DENND4C: variants seen among roughly 807,000 people sequenced by gnomAD.
DENND4C encodes DENN domain-containing protein 4C.
A neutral mutation model predicts 203.0 loss-of-function variants in DENND4C; 108 were observed. That is an observed-to-expected ratio of 0.53 (90% CI 0.46 to 0.62). The LOEUF (loss-of-function observed/expected upper bound fraction) is 0.62, where lower values mean the gene tolerates loss of function less well. Ranked by LOEUF, DENND4C falls within the 20% of genes least tolerant of loss-of-function variation. DENND4C has a pLI of 0.00. For missense variants in DENND4C, 2,481 were observed against 2,301.2 expected (o/e 1.08, Z -1.60); for synonymous variants, 871 against 792.4 (o/e 1.10, Z -1.67).
intron 10 of DENND4C, among the ~76,000 whole-genome samples, chr9:19,310,267 T>C (rs933831407): frequency 1.3e-5 from 2 of 152,226 alleles, no homozygotes; most frequent in African/African-American, 4.8e-5. Flanking sequence ...CTAGGATCGC[T>C]AGTGTAATGT....
intron 22 of DENND4C, among the ~76,000 whole-genome samples, chr9:19,344,475 G>C (rs1219844086): frequency 6.6e-6 from 1 of 152,064 alleles, no homozygotes; most frequent in Non-Finnish European, 1.5e-5. Context: ...TCCACCCTAG[G>C]TGACAGAGCA....
At chr9:19,360,575 C>T in intron 29 of DENND4C, 86 bp downstream of exon 29, 1 of 1,504,640 alleles carries the variant, frequency 6.6e-7, no homozygotes, top group Non-Finnish European at 9.1e-7. Flanking sequence ...ACAGTAGCAG[C>T]TTAACAAGAC....
In DENND4C at chr9:19,358,012, C is replaced by G; in HGVS notation, c.5012C>G (p.Ser1671Ter). The part of the protein sequence containing the change: ...ASGDVQTMKI[S>*]SVPNSLSKRN... ...GGAGATGTCCAAACTATGAAAATTT[C>G]ATCTGTGCCTAATAGTTTATCAAAG... Residue 1671 changes from serine (S) to a stop codon, truncating the protein, a stop_gained, in exon 28 of 33, where the codon TCA (serine) becomes TGA (stop). Coordinates refer to ENST00000434457, the MANE Select transcript of DENND4C (RefSeq NM_001330640.2). LOFTEE classifies it high-confidence loss of function. This position sits in a 1 kb window ranked among gnomAD's most constrained non-coding sequence, Gnocchi z 4.8. The G allele has an allele frequency of 6.2e-7, 1 of 1,613,296 alleles. No individual in the cohort carries two copies. The highest frequency in any genetic ancestry group is 8.5e-7 in the Non-Finnish European group (1 of 1,179,480).
intron 10 of DENND4C, among the ~76,000 whole-genome samples, chr9:19,306,108 T>G (rs1839598554): frequency 6.6e-6 from 1 of 152,144 alleles, no homozygotes; most frequent in Admixed American, 6.6e-5. Context: ...AAAGAAATAG[T>G]TCTGGATGGA....
rs370617652 is a variant in DENND4C at position 19,272,390 on chromosome 9, C to T, written c.-17-3768C>T. Among the ~76,000 whole-genome samples, 6 of 151,516 alleles carry T rather than the reference C, an allele frequency of 4.0e-5. No homozygotes were observed. In the South Asian group the frequency reaches 6.3e-4, roughly 16 times the overall value. ...AGCCGAGATTGCGCCATTGCACTCC[C>T]GCCTGGGCAACAAGAACGAAACTCC... On this transcript the variant is annotated intron_variant, in intron 1 of 32. Transcript: ENST00000434457.
chr9:19,360,863 G>T (rs1826323651), intron 29 of DENND4C, among the ~76,000 whole-genome samples: 1 of 152,152 alleles, frequency 6.6e-6, no homozygotes. Flanking sequence ...TTCTTGGCCT[G>T]AACTCAGTTA....
At chr9:19,310,497 G>A (rs536005216) in intron 10 of DENND4C, among the ~76,000 whole-genome samples, 24 of 152,332 alleles carry the variant, frequency 1.6e-4, no homozygotes, top group African/African-American at 5.5e-4. Flanking sequence ...CATTTGAGTA[G>A]TTATGACAGA....
intron 31 of DENND4C, among the ~76,000 whole-genome samples, chr9:19,370,605 G>A (rs1961992): frequency 0.14 from 20,787 of 152,094 alleles, 1,831 homozygotes; most frequent in African/African-American, 0.24. Flanking sequence ...ACTTATTCAG[G>A]GCCTGTGATA....
intron 1 of DENND4C, among the ~76,000 whole-genome samples, chr9:19,255,029 A>C (rs1288086966): frequency 6.6e-6 from 1 of 152,030 alleles, no homozygotes; most frequent in Non-Finnish European, 1.5e-5. Flanking sequence ...CTGTAATTCC[A>C]GCGACTCGGG....
At position 19,358,616 on chromosome 9, in the gene DENND4C, C is replaced by CAT. The variant is rs946827617; in HGVS notation, c.5160+459_5160+460dup. ...CTGATTGTCTCAAAAATGTCAAATG[C>CAT]ATATGTGTGCTTGTGTATGTGTGGG... On this transcript the variant is annotated intron_variant, in intron 28 of 32. Coordinates refer to ENST00000434457, the MANE Select transcript of DENND4C (RefSeq NM_001330640.2). The surrounding 1 kb of genome is among the most constrained non-coding windows in gnomAD (Gnocchi z 4.8). Among the ~76,000 whole-genome samples, 82 of 151,886 alleles carry CAT rather than the reference C, an allele frequency of 5.4e-4. No individual in the cohort carries two copies. The highest frequency in any genetic ancestry group is 6.8e-3 in the Middle Eastern group (2 of 294).
At chr9:19,231,500 G>C (rs747430084) in intron 1 of DENND4C, among the ~76,000 whole-genome samples, 2 of 151,876 alleles carry the variant, frequency 1.3e-5, no homozygotes, top group Admixed American at 1.3e-4. Flanking sequence ...GCTGACTCCT[G>C]TAAAGAGCTG....
At chr9:19,335,909 A>C (rs1248548450) in intron 18 of DENND4C, among the ~76,000 whole-genome samples, 2 of 152,018 alleles carry the variant, frequency 1.3e-5, no homozygotes, top group Non-Finnish European at 2.9e-5. Context: ...TGGTAGCTCT[A>C]GTTTTAATTT....
At chr9:19,291,696 C>G (rs1836341463) in intron 5 of DENND4C, among the ~76,000 whole-genome samples, 1 of 89,208 alleles carries the variant, frequency 1.1e-5, no homozygotes, top group Non-Finnish European at 2.4e-5. Context: ...CAGAGCGATA[C>G]TCTTTCTAAA....
At position 19,360,363 on chromosome 9, in the gene DENND4C, ATCT is replaced by A. The variant is rs1313481463; in HGVS notation, c.5285_5287del (p.Ser1762del). ...ATGAAGGTGATCAGGTGATTCATAC[ATCT>A]TCTTTCATCAATCAACATCCAATCA... On this transcript the variant is annotated inframe_deletion, in exon 29 of 33. Transcript: ENST00000434457. The A allele has an allele frequency of 6.2e-7, 1 of 1,613,986 alleles. No homozygotes were observed. The highest frequency in any genetic ancestry group is 8.5e-7 in the Non-Finnish European group (1 of 1,179,994).
chr9:19,268,394 C>T (rs759399608), intron 1 of DENND4C, among the ~76,000 whole-genome samples: 1 of 152,274 alleles, frequency 6.6e-6, no homozygotes, highest in East Asian at 1.9e-4. Flanking sequence ...GCCACCGCAC[C>T]TGGTTGTAGT....
intron 30 of DENND4C, among the ~76,000 whole-genome samples, chr9:19,363,835 ACT>A (rs1827035451): frequency 2.6e-5 from 4 of 151,712 alleles, no homozygotes; most frequent in Admixed American, 2.6e-4. Flanking sequence ...ATATGGTGAA[ACT>A]CTGTCTCTAC....
At chr9:19,355,363 TC>T (rs1271212429) in intron 26 of DENND4C, among the ~76,000 whole-genome samples, 2 of 152,210 alleles carry the variant, frequency 1.3e-5, no homozygotes, top group African/African-American at 4.8e-5. Flanking sequence ...TTAAAGTTGT[TC>T]CCTATCCCTA....
intron 5 of DENND4C, among the ~76,000 whole-genome samples, chr9:19,294,116 T>C (rs1836929373): frequency 6.6e-6 from 1 of 152,144 alleles, no homozygotes. Context: ...AATAGGAGTC[T>C]GAGGTTCAGG....
intron 26 of DENND4C, among the ~76,000 whole-genome samples, chr9:19,354,734 T>TG (rs1824990308): frequency 6.6e-6 from 1 of 150,936 alleles, no homozygotes; most frequent in East Asian, 2.0e-4. Context: ...TTTGTAGAGA[T>TG]GGGGTTTCGC....
Sources: gnomAD v4.1 joint callset for allele counts (sites outside exome capture counted in the v4.1 genomes callset) on GRCh38, gnomAD v4.1.1 for gene constraint, Gnocchi (gnomAD v3.1) non-coding constraint, MANE v1.5 for transcripts, NCBI Gene and HGNC (gene_info 2026-07-23, HGNC 2026-07-21) for gene names.